The following SLC4A10 variants were observed in gnomAD, a reference collection of about 807,000 sequenced individuals.
SLC4A10 encodes solute carrier family 4 member 10, also known as sodium-driven chloride bicarbonate exchanger.
Under a neutral mutation model 137.7 loss-of-function variants are expected in SLC4A10, and 42 were observed. The ratio of observed to expected loss-of-function variants is 0.30; its 90% CI spans 0.24 to 0.39. The LOEUF is 0.39. Among genes scored for constraint, SLC4A10 ranks in the 10% least tolerant of loss-of-function variants. The probability of loss-of-function intolerance (pLI) is 1.00; values close to 1 mark genes in which losing one functional copy is unlikely to be tolerated. For synonymous variants in SLC4A10, 474 were observed against 464.1 expected (o/e 1.02, Z -0.27); for missense variants, 925 against 1,355.0 (o/e 0.68, Z 4.98).
At chr2:161,722,286 T>C (rs918642342) in intron 1 of SLC4A10, among the ~76,000 whole-genome samples, 1 of 152,228 alleles carries the variant, frequency 6.6e-6, no homozygotes. Flanking sequence ...TTTCAGAATG[T>C]TTGCATTGGT....
At chr2:161,937,054 C>G (rs1368310009) in intron 15 of SLC4A10, among the ~76,000 whole-genome samples, 2 of 152,152 alleles carry the variant, frequency 1.3e-5, no homozygotes. Context: ...TCATTTGTCT[C>G]AATACATTGT....
intron 3 of SLC4A10, among the ~76,000 whole-genome samples, chr2:161,828,356 G>T (rs2058167365): frequency 6.6e-6 from 1 of 151,788 alleles, no homozygotes. Flanking sequence ...CCTTGGATTT[G>T]CTTACAAAAC....
intron 15 of SLC4A10, among the ~76,000 whole-genome samples, chr2:161,921,292 G>A (rs990068181): frequency 2.0e-5 from 3 of 152,094 alleles, no homozygotes; most frequent in South Asian, 2.1e-4. Flanking sequence ...GAGTAGTTAC[G>A]CAGAGTAGAA....
Position 161,785,813 on chromosome 2 carries a change from C to G in SLC4A10, c.130+14759C>G, listed in dbSNP as rs570643068. 8.6e-5 allele frequency among the ~76,000 whole-genome samples: 13 copies of G among 151,874 alleles called. No individual in the cohort carries two copies. The South Asian group carries it at 2.7e-3, about 31-fold the overall frequency. On this transcript the variant is annotated intron_variant, in intron 2 of 26. Coordinates refer to ENST00000446997, the MANE Select transcript of SLC4A10 (RefSeq NM_001178015.2). ...GATGTCTACTCTTGCTACTTCCATT[C>G]AACATAGTACTAGAAGTCCTAGGAA...
chr2:161,901,957 G>T, intron 12 of SLC4A10: 1 of 445,476 alleles, frequency 2.2e-6, no homozygotes, highest in Non-Finnish European at 4.5e-6. Flanking sequence ...TCTTTCTCAG[G>T]TGTAACATGC....
intron 15 of SLC4A10, among the ~76,000 whole-genome samples, chr2:161,913,451 A>G (rs1686345198): frequency 6.6e-6 from 1 of 152,212 alleles, no homozygotes; most frequent in South Asian, 2.1e-4. Context: ...ACAGAAATAC[A>G]ATAGCTATAA....
intron 21 of SLC4A10, among the ~76,000 whole-genome samples, chr2:161,960,864 C>T (rs1158938336): frequency 6.6e-6 from 1 of 152,090 alleles, no homozygotes. Flanking sequence ...CTGGCAATAT[C>T]TTGCTTTAGG....
At chr2:161,920,419 T>C (rs1364759530) in intron 15 of SLC4A10, among the ~76,000 whole-genome samples, 2 of 152,212 alleles carry the variant, frequency 1.3e-5, no homozygotes, top group African/African-American at 4.8e-5. Context: ...AGGAAGAATA[T>C]GGAAAATACA....
At chr2:161,710,662 C>A (rs971848631) in intron 1 of SLC4A10, 1 of 453,776 alleles carries the variant, frequency 2.2e-6, no homozygotes, top group South Asian at 1.6e-5. Flanking sequence ...GTAAACTTGC[C>A]CAGTAATGAT....
At chr2:161,867,197 A>T (rs188379857) in intron 6 of SLC4A10, among the ~76,000 whole-genome samples, 1 of 151,904 alleles carries the variant, frequency 6.6e-6, no homozygotes, top group African/African-American at 2.4e-5. Flanking sequence ...ATATTTATTT[A>T]TGGTTTTGGA....
At chr2:161,699,242 G>T (rs186644719) in intron 1 of SLC4A10, among the ~76,000 whole-genome samples, 2 of 152,170 alleles carry the variant, frequency 1.3e-5, no homozygotes, top group Non-Finnish European at 1.5e-5. Flanking sequence ...AGATGGTCTC[G>T]ATCTCCTGAC....
intron 1 of SLC4A10, among the ~76,000 whole-genome samples, chr2:161,633,782 A>C (rs2033972145): frequency 6.6e-6 from 1 of 151,782 alleles, no homozygotes; most frequent in Non-Finnish European, 1.5e-5. Flanking sequence ...CAATGATATA[A>C]ATTGATAATT....
intron 11 of SLC4A10, among the ~76,000 whole-genome samples, chr2:161,900,171 A>G (rs1441098200): frequency 6.6e-6 from 1 of 152,102 alleles, no homozygotes; most frequent in Non-Finnish European, 1.5e-5. Flanking sequence ...TTAAGAAATC[A>G]TATTCACCAA....
chr2:161,909,251 AT>A (rs1406083117), intron 15 of SLC4A10, among the ~76,000 whole-genome samples: 5 of 151,956 alleles, frequency 3.3e-5, no homozygotes, highest in Non-Finnish European at 4.4e-5. Flanking sequence ...AATTAAATAT[AT>A]AAAAAAAAAG....
At position 161,776,217 on chromosome 2, in the gene SLC4A10, C is replaced by G. The variant is rs559981853; in HGVS notation, c.130+5163C>G. Reference sequence around the variant, plus strand: ...GAACTTGAGATGAAACTCTGCCATTCCCCCTCAGAGGCATACTGATTTTCA... The same window carrying G: ...GAACTTGAGATGAAACTCTGCCATTGCCCCTCAGAGGCATACTGATTTTCA... On this transcript the variant is annotated intron_variant, in intron 2 of 26. Transcript: ENST00000446997. 1.8e-3 allele frequency among the ~76,000 whole-genome samples: 274 copies of G among 151,968 alleles called. 1 individual carries two copies. Among genetic ancestry groups the G allele is most frequent in the African/African-American group, 6.2e-3 (259 of 41,514 alleles).
chr2:161,799,432 G>A (rs2055145458), intron 2 of SLC4A10, among the ~76,000 whole-genome samples: 1 of 151,796 alleles, frequency 6.6e-6, no homozygotes, highest in Non-Finnish European at 1.5e-5. Context: ...TGTTATTTCT[G>A]TACTATTCTT....
At chr2:161,696,075 C>A (rs2042465181) in intron 1 of SLC4A10, among the ~76,000 whole-genome samples, 1 of 151,678 alleles carries the variant, frequency 6.6e-6, no homozygotes, top group Non-Finnish European at 1.5e-5. Flanking sequence ...CCCCCCACCC[C>A]ACGACAGGCC....
chr2:161,832,321 C>A (rs1327767268), intron 3 of SLC4A10, among the ~76,000 whole-genome samples: 1 of 152,148 alleles, frequency 6.6e-6, no homozygotes, highest in Non-Finnish European at 1.5e-5. Flanking sequence ...ATCCATAAAA[C>A]TGGCAGGGCA....
At chr2:161,634,969 A>G (rs1313686343) in intron 1 of SLC4A10, among the ~76,000 whole-genome samples, 1 of 152,062 alleles carries the variant, frequency 6.6e-6, no homozygotes, top group Non-Finnish European at 1.5e-5. Context: ...TTTTGTAGAA[A>G]AATGTAATTA....
Sources: gnomAD v4.1 joint callset for allele counts (sites outside exome capture counted in the v4.1 genomes callset) on GRCh38, gnomAD v4.1.1 for gene constraint, MANE v1.5 for transcripts, NCBI Gene and HGNC (gene_info 2026-07-23, HGNC 2026-07-21) for gene names.